BPTF: variants seen among roughly 807,000 people sequenced by gnomAD.
BPTF encodes the protein bromodomain PHD finger transcription factor.
BPTF carries 18 observed loss-of-function variants against 292.5 expected under a neutral mutation model. The ratio of observed to expected loss-of-function variants is 0.06; its 90% CI spans 0.04 to 0.09. The LOEUF (loss-of-function observed/expected upper bound fraction) is 0.09, where lower values mean the gene tolerates loss of function less well. Ranked by LOEUF, BPTF falls within the 10% of genes least tolerant of loss-of-function variation. The pLI is 1.00. For missense variants in BPTF, 2,726 were observed against 3,498.7 expected, an observed-to-expected ratio of 0.78 and a Z score of 5.57; for synonymous variants, 1,225 against 1,251.9, an observed-to-expected ratio of 0.98 and a Z score of 0.45.
rs764877810 is a variant in BPTF at position 67,826,210 on chromosome 17, G to C, written c.486G>C (p.Glu162Asp). The C allele has an allele frequency of 1.9e-6, 3 of 1,611,736 alleles. No individual in the cohort carries two copies. Among genetic ancestry groups the C allele is most frequent in the South Asian group, 1.1e-5 (1 of 90,986 alleles). Residue 162 changes from glutamate to aspartate, a missense_variant, in exon 1 of 28, where the codon GAG (glutamate) becomes GAC (aspartate). Coordinates refer to ENST00000306378, the MANE Select transcript of BPTF (RefSeq NM_182641.4). ...AGACCCAGGATTCTGAGGACGACGA[G>C]GAGGATGAGATGGAAGAGGACGACG... ...AEETQDSEDDEEDEMEEDDDD... is the reference protein window; with the variant it reads ...AEETQDSEDDDEDEMEEDDDD...
intron 4 of BPTF, among the ~76,000 whole-genome samples, chr17:67,883,705 GTTC>G (rs778083886): frequency 3.5e-4 from 54 of 152,142 alleles, no homozygotes; most frequent in Non-Finnish European, 6.5e-4. Context: ...GGTTCAAGCA[GTTC>G]TTCTGCCTCA....
intron 18 of BPTF, among the ~76,000 whole-genome samples, chr17:67,939,858 C>T (rs573958531): frequency 2.6e-5 from 4 of 152,268 alleles, no homozygotes; most frequent in East Asian, 3.9e-4. Context: ...CCAGCCTGGG[C>T]GACAGAGCGA....
intron 18 of BPTF, among the ~76,000 whole-genome samples, chr17:67,937,700 G>A (rs923145616): frequency 6.6e-6 from 1 of 151,984 alleles, no homozygotes; most frequent in African/African-American, 2.4e-5. Context: ...AGGACAAGAA[G>A]TGGGAGTCAA....
chr17:67,897,673 A>G (rs1162335057), intron 7 of BPTF, among the ~76,000 whole-genome samples: 1 of 152,196 alleles, frequency 6.6e-6, no homozygotes, highest in African/African-American at 2.4e-5. Context: ...ACTCTTAGGC[A>G]GGAAAAGGAT....
intron 3 of BPTF, among the ~76,000 whole-genome samples, chr17:67,869,887 A>G (rs1200270986): frequency 2.0e-5 from 3 of 150,400 alleles, no homozygotes; most frequent in Admixed American, 6.6e-5. Flanking sequence ...CTGTAGTCCC[A>G]GCTACTCGGC....
In BPTF at chr17:67,868,518, C is replaced by A. The variant is rs190177750; in HGVS notation, c.1660+1831C>A. Among the ~76,000 whole-genome samples, 320 of 152,286 alleles carry A rather than the reference C, an allele frequency of 2.1e-3. 1 individual carries two copies. The highest frequency in any genetic ancestry group is 7.1e-3 in the African/African-American group (296 of 41,560). On this transcript the variant is annotated intron_variant, in intron 3 of 27. Transcript: ENST00000306378. ...CTGCATCCTGAGAATACTGTATTTT[C>A]AATTTGAGGGTGGTTGAATCCAAGG...
rs112224314 is a variant in BPTF, at chr17:67,948,253, G to A, written c.7873G>A (p.Glu2625Lys). The A allele has an allele frequency of 7.0e-4, 1,128 of 1,613,986 alleles. No individual in the cohort carries two copies. Among genetic ancestry groups the A allele is most frequent in the Non-Finnish European group, 8.9e-4 (1,054 of 1,180,032 alleles). Residue 2625 changes from glutamate to lysine, a missense_variant, in exon 23 of 28, where the codon GAG becomes AAG. Glu to Lys is a moderately conservative substitution (Grantham distance 56). Transcript: ENST00000306378. ...LFKHKEQLRA[E>K]ILKKRALLDK... is the part of the protein sequence containing the mutation. ...CAAGCACAAAGAGCAGCTCAGAGCCGAGATCCTGAAGAAGAGAGCACTCCT... is the reference window on the plus strand; with the variant it reads ...CAAGCACAAAGAGCAGCTCAGAGCCAAGATCCTGAAGAAGAGAGCACTCCT...
At chr17:67,917,556 G>T (rs529241097) in intron 11 of BPTF, among the ~76,000 whole-genome samples, 2 of 152,108 alleles carry the variant, frequency 1.3e-5, no homozygotes, top group East Asian at 3.9e-4. Context: ...CCATTTGGAT[G>T]CAGAATGTTT....
intron 26 of BPTF, among the ~76,000 whole-genome samples, chr17:67,973,706 G>A (rs562552433): frequency 6.6e-6 from 1 of 151,898 alleles, no homozygotes; most frequent in African/African-American, 2.4e-5. Flanking sequence ...GGGTTTCGCT[G>A]TGTTGGCCAG....
In BPTF at chr17:67,911,210, C is replaced by G; in HGVS notation, c.3326C>G (p.Thr1109Arg). 6.2e-7 allele frequency: 1 copy of G among 1,613,832 alleles called. No homozygotes were observed. The highest frequency in any genetic ancestry group is 8.5e-7 in the Non-Finnish European group (1 of 1,179,956). The stretch of plus-strand genomic sequence containing the variant: ...AATCTCTCTGAATCACCAGTAATAA[C>G]GAAAGCAAAAGAAGGGTGTCAGAGT... ...SKNLSESPVI[T>R]KAKEGCQSDS... is the part of the protein sequence containing the mutation. The change falls in exon 11 of 28, where the codon ACG becomes AGG. Residue 1109 changes from threonine to arginine, a missense_variant. By Grantham distance (71) the Thr-to-Arg change is moderately conservative. Transcript: ENST00000306378.
At chr17:67,829,352 C>G (rs541735572) in intron 1 of BPTF, among the ~76,000 whole-genome samples, 1 of 148,998 alleles carries the variant, frequency 6.7e-6, no homozygotes, top group South Asian at 2.1e-4. Flanking sequence ...TTTTCCTTAT[C>G]TCTTCTAAAA....
intron 10 of BPTF, among the ~76,000 whole-genome samples, chr17:67,910,586 A>C (rs1162526637): frequency 6.6e-6 from 1 of 152,108 alleles, no homozygotes; most frequent in East Asian, 1.9e-4. Flanking sequence ...GATCACCTGA[A>C]GTCAGGAGTT....
chr17:67,938,059 G>A (rs927050256), intron 18 of BPTF, among the ~76,000 whole-genome samples: 1 of 152,246 alleles, frequency 6.6e-6, no homozygotes, highest in African/African-American at 2.4e-5. Context: ...GTTGCAGTGA[G>A]CTGAGACCGC....
Position 67,912,989 on chromosome 17 carries a change from G to A in BPTF, c.5105G>A (p.Gly1702Asp). The change falls in exon 11 of 28, where the codon GGT (glycine) becomes GAT (aspartate). Residue 1702 changes from glycine to aspartate, a missense_variant. Gly to Asp is a moderately conservative substitution (Grantham distance 94). This residue lies in a region of BPTF where 24 missense variants were observed against 57.5 expected (regional missense o/e 0.42). Coordinates refer to ENST00000306378, the MANE Select transcript of BPTF (RefSeq NM_182641.4). ...KFSRPKKTRS[G>D]TALPSYRKFV... is the part of the protein sequence containing the mutation. ...TCAAGACCAAAGAAGACTCGTTCAG[G>A]TACAGCTCTGCCATCCTATAGAAAA... 1 of 1,614,182 alleles carries A rather than the reference G, an allele frequency of 6.2e-7. No homozygotes were observed. The highest frequency in any genetic ancestry group is 8.5e-7 in the Non-Finnish European group (1 of 1,180,032).
At position 67,946,232 on chromosome 17, in the gene BPTF, G is replaced by A. The variant is rs1233770973; in HGVS notation, c.7524G>A (p.Arg2508=). 9.9e-6 allele frequency: 16 copies of A among 1,614,076 alleles called. No individual in the cohort carries two copies. The highest frequency in any genetic ancestry group is 1.3e-5 in the African/African-American group (1 of 74,910). The change falls in exon 21 of 28, where the codon AGG becomes AGA. Residue 2508 remains arginine, a synonymous_variant. Coordinates refer to ENST00000306378, the MANE Select transcript of BPTF (RefSeq NM_182641.4). ...AGTTGCAAAGGGTTCAGCAACTCAG[G>A]GATCAGCAGCAAAAGAAGAAACAGC... ...QEQLQRVQQL[R]DQQQKKKQQQ... is the part of the protein sequence containing the mutation.
At chr17:67,870,892 C>T (rs1434757555) in intron 3 of BPTF, among the ~76,000 whole-genome samples, 1 of 148,686 alleles carries the variant, frequency 6.7e-6, no homozygotes, top group African/African-American at 2.5e-5. Context: ...GCCTCAGCCT[C>T]CCAAGTAGCT....
At chr17:67,965,973 A>T (rs1280238322) in intron 25 of BPTF, 13 of 152,430 alleles carry the variant, frequency 8.5e-5, no homozygotes, top group Admixed American at 5.9e-4. Flanking sequence ...AGGTGAGAGG[A>T]TCACTTGAGC....
chr17:67,916,185 A>G (rs1433731432), intron 11 of BPTF, among the ~76,000 whole-genome samples: 1 of 152,192 alleles, frequency 6.6e-6, no homozygotes, highest in Admixed American at 6.5e-5. Context: ...TAGTGCGATA[A>G]CACAGTGGAG....
At chr17:67,882,810 C>G (rs997669196) in intron 4 of BPTF, among the ~76,000 whole-genome samples, 1 of 151,622 alleles carries the variant, frequency 6.6e-6, no homozygotes, top group African/African-American at 2.4e-5. Context: ...AGTTCAAGAC[C>G]AGCCTGCCCA....
Sources: allele counts gnomAD v4.1 joint callset (sites outside exome capture counted in the v4.1 genomes callset), GRCh38; gene constraint gnomAD v4.1.1; regional missense constraint gnomAD v4.1.1; transcripts MANE v1.5; gene names NCBI Gene and HGNC (gene_info 2026-07-23, HGNC 2026-07-21).